Variants in MYOZ2 observed in about 807,000 individuals in gnomAD.
MYOZ2 encodes myozenin-2.
A neutral mutation model predicts 25.4 loss-of-function variants in MYOZ2; 19 were observed. The observed-to-expected ratio is 0.75, with a 90% confidence interval of 0.52 to 1.10. The LOEUF (loss-of-function observed/expected upper bound fraction) is 1.10. Among genes scored for constraint, MYOZ2 ranks in the 50% least tolerant of loss-of-function variants. The pLI is 0.00. For synonymous variants in MYOZ2, 92 were observed against 106.9 expected, an observed-to-expected ratio of 0.86 and a Z score of 0.86; for missense variants, 270 against 317.9, an observed-to-expected ratio of 0.85 and a Z score of 1.15.
At chr4:119,159,660 A>G (rs1157108698) in intron 4 of MYOZ2, among the ~76,000 whole-genome samples, 3 of 152,178 alleles carry the variant, frequency 2.0e-5, no homozygotes, top group Non-Finnish European at 2.9e-5. Context: ...TTGTAAAATA[A>G]ACAGTAAATT....
intron 2 of MYOZ2, 106 bp from the exon 3 acceptor site, chr4:119,150,766 A>C: frequency 2.7e-6 from 3 of 1,117,166 alleles, no homozygotes; most frequent in Non-Finnish European, 2.7e-6. Flanking sequence ...TGACATACTT[A>C]TGATTATGCA....
At chr4:119,159,625 G>A (rs1052189111) in intron 4 of MYOZ2, among the ~76,000 whole-genome samples, 1 of 152,008 alleles carries the variant, frequency 6.6e-6, no homozygotes, top group Non-Finnish European at 1.5e-5. Flanking sequence ...GTTATATCTT[G>A]AAACTAAAGA....
intron 5 of MYOZ2, among the ~76,000 whole-genome samples, chr4:119,171,787 C>A (rs1221161108): frequency 1.4e-5 from 2 of 148,084 alleles, no homozygotes; most frequent in East Asian, 4.0e-4. Flanking sequence ...TCTGATATAT[C>A]TATTTTTCAC....
intron 5 of MYOZ2, among the ~76,000 whole-genome samples, chr4:119,165,788 T>C (rs1351542347): frequency 6.6e-6 from 1 of 152,198 alleles, no homozygotes; most frequent in Admixed American, 6.5e-5. Context: ...TTTTTGAGAT[T>C]AAGTGCTTAA....
chr4:119,151,944 T>G (rs1741461013), intron 3 of MYOZ2, among the ~76,000 whole-genome samples: 1 of 152,292 alleles, frequency 6.6e-6, no homozygotes, highest in East Asian at 1.9e-4. Flanking sequence ...GCAAACAGAC[T>G]AATTTCCCTG....
At position 119,178,499 on chromosome 4, in the gene MYOZ2, T is replaced by C. The variant is rs997538374; in HGVS notation, c.561-7467T>C. Among the ~76,000 whole-genome samples, 9 of 152,346 alleles carry C rather than the reference T, an allele frequency of 5.9e-5. 1 individual carries two copies. Among genetic ancestry groups the C allele is most frequent in the Middle Eastern group, 3.4e-3 (1 of 294 alleles). On this transcript the variant is annotated intron_variant, in intron 5 of 5. Transcript: ENST00000307128. The stretch of plus-strand genomic sequence containing the variant: ...TCCAATCTGCCCCATCTCAGTAAAT[T>C]GCATATTTATATTCCCTGTTGCTCA...
At chr4:119,160,847 T>C (rs911241634) in intron 4 of MYOZ2, among the ~76,000 whole-genome samples, 5 of 152,046 alleles carry the variant, frequency 3.3e-5, no homozygotes, top group South Asian at 2.1e-4. Flanking sequence ...TCTCAAATAT[T>C]TATTATTTCT....
At position 119,186,287 on chromosome 4, in the gene MYOZ2, T is replaced by C. The variant is rs906927362; in HGVS notation, c.*87T>C. ...ACTACTGGCAAAGCCACTTGCATTT[T>C]TCATTAGTAGCAACAATAGCAATTT... On this transcript the variant is annotated 3_prime_UTR_variant, in exon 6 of 6. Transcript: ENST00000307128. The C allele has an allele frequency of 1.3e-5, 13 of 1,028,080 alleles. No individual in the cohort carries two copies. The Admixed American group carries it at 2.5e-4, about 20-fold the overall frequency. 63.7% of individuals were successfully genotyped at this position (1,028,080 alleles called of 1,614,324 possible).
intron 3 of MYOZ2, 132 bp from the exon 4 acceptor site, chr4:119,157,890 A>C: frequency 2.8e-6 from 3 of 1,067,902 alleles, no homozygotes; most frequent in Non-Finnish European, 4.1e-6. Flanking sequence ...AAAATTATTG[A>C]GGTCCCAGGA....
At chr4:119,136,024 C>T (rs1486110151) in intron 1 of MYOZ2, 42 bp downstream of exon 1, 1 of 169,218 alleles carries the variant, frequency 5.9e-6, no homozygotes, top group Non-Finnish European at 1.3e-5. Context: ...AGTCAGTTGT[C>T]CAAGGATATT....
chr4:119,153,202 G>T (rs918976560), intron 3 of MYOZ2, among the ~76,000 whole-genome samples: 1 of 151,910 alleles, frequency 6.6e-6, no homozygotes, highest in South Asian at 2.1e-4. Context: ...TGCACAATAA[G>T]TCATTAAGGA....
intron 4 of MYOZ2, among the ~76,000 whole-genome samples, chr4:119,163,276 T>A (rs1741748737): frequency 6.6e-6 from 1 of 152,102 alleles, no homozygotes; most frequent in African/African-American, 2.4e-5. Context: ...AGGCATGCTT[T>A]GACAGAAGAA....
chr4:119,175,399 C>T (rs970268400), intron 5 of MYOZ2, among the ~76,000 whole-genome samples: 1 of 152,108 alleles, frequency 6.6e-6, no homozygotes, highest in African/African-American at 2.4e-5. Context: ...GTTAATTGAT[C>T]AATTTTTGCT....
intron 4 of MYOZ2, among the ~76,000 whole-genome samples, chr4:119,159,980 A>G (rs1175726378): frequency 6.6e-6 from 1 of 152,218 alleles, no homozygotes; most frequent in Non-Finnish European, 1.5e-5. Context: ...GTCTGTATCT[A>G]CATCATCAAC....
In MYOZ2 at chr4:119,158,068, A is replaced by T. The variant is rs1213468971; in HGVS notation, c.293A>T (p.Glu98Val). The T allele has an allele frequency of 1.9e-6, 3 of 1,613,996 alleles. No homozygotes were observed. The East Asian group carries it at 6.7e-5, about 36-fold the overall frequency. Residue 98 changes from glutamate to valine, a missense_variant, in exon 4 of 6, where the codon GAA (glutamate) becomes GTA (valine). By Grantham distance (121) the Glu-to-Val change is moderately radical. Coordinates refer to ENST00000307128, the MANE Select transcript of MYOZ2 (RefSeq NM_016599.5). ...QNGKVDGSNL[E>V]GGSQQAPLTP... is the part of the protein sequence containing the mutation. ...GGGAAAGTGGATGGAAGTAACTTGG[A>T]AGGTGGTTCGCAGCAAGCCCCCTTG...
intron 5 of MYOZ2, among the ~76,000 whole-genome samples, chr4:119,169,412 A>G (rs1578741420): frequency 1.3e-5 from 2 of 152,258 alleles, no homozygotes; most frequent in East Asian, 3.8e-4. Flanking sequence ...ACCAAAGGAC[A>G]TAAGTAAGAT....
At chr4:119,147,636 C>G (rs201727770) in intron 2 of MYOZ2, among the ~76,000 whole-genome samples, 2 of 150,938 alleles carry the variant, frequency 1.3e-5, no homozygotes. Context: ...CCCAGCTACT[C>G]GGGAGGCTGA....
chr4:119,147,249 A>G (rs1266852412), intron 2 of MYOZ2, among the ~76,000 whole-genome samples: 1 of 150,840 alleles, frequency 6.6e-6, no homozygotes, highest in Non-Finnish European at 1.5e-5. Flanking sequence ...TTAGTTTTCT[A>G]TTTGTCATCT....
intron 2 of MYOZ2, among the ~76,000 whole-genome samples, chr4:119,146,455 A>T (rs1341103539): frequency 3.3e-5 from 5 of 152,092 alleles, no homozygotes; most frequent in Non-Finnish European, 5.9e-5. Context: ...CTGAATTTTT[A>T]ATTTCCTTTG....
Sources: gnomAD v4.1 joint callset for allele counts (sites outside exome capture counted in the v4.1 genomes callset) on GRCh38, gnomAD v4.1.1 for gene constraint, MANE v1.5 for transcripts, NCBI Gene and HGNC (gene_info 2026-07-23, HGNC 2026-07-21) for gene names.